The following GRID1 variants were observed in gnomAD, a reference collection of about 807,000 sequenced individuals.
The protein encoded by GRID1 is glutamate ionotropic receptor delta type subunit 1, also known as glutamate receptor ionotropic, delta-1.
A neutral mutation model predicts 98.0 loss-of-function variants in GRID1; 28 were observed. The observed-to-expected ratio is 0.29, with a 90% CI of 0.21 to 0.39. The LOEUF (loss-of-function observed/expected upper bound fraction) is 0.39, where lower values mean the gene tolerates loss of function less well. Among genes scored for constraint, GRID1 ranks in the 10% least tolerant of loss-of-function variants. The pLI is 1.00. For synonymous variants in GRID1, 553 were observed against 538.5 expected (o/e 1.03, Z -0.37); for missense variants, 1,111 against 1,340.5 (o/e 0.83, Z 2.67).
intron 2 of GRID1, among the ~76,000 whole-genome samples, chr10:86,217,007 T>C (rs906216456): frequency 4.6e-5 from 7 of 152,114 alleles, no homozygotes; most frequent in African/African-American, 1.4e-4. Flanking sequence ...GGCAAGGACA[T>C]GCCTTCTGCT....
At chr10:85,698,775 A>G (rs1841421094) in intron 12 of GRID1, among the ~76,000 whole-genome samples, 1 of 152,230 alleles carries the variant, frequency 6.6e-6, no homozygotes, top group Non-Finnish European at 1.5e-5. Flanking sequence ...AGCAATGAAT[A>G]AGACCTTTTG....
Position 85,721,487 on chromosome 10 carries a change from T to C in GRID1, c.1997+1516A>G, listed in dbSNP as rs186982913. Among the ~76,000 whole-genome samples, 154 of 152,352 alleles carry C rather than the reference T, an allele frequency of 1.0e-3. 1 individual carries two copies. Among genetic ancestry groups the C allele is most frequent in the African/African-American group, 3.5e-3 (145 of 41,588 alleles). On this transcript the variant is annotated intron_variant, in intron 12 of 15. Transcript: ENST00000327946. ...GAATAGTTAGACAAACTGTGGTATA[T>C]GTGATATTACTCATATGTGGTATAT... is the stretch of plus-strand genomic sequence containing the variant.
At chr10:85,749,688 A>G (rs1279530105) in intron 8 of GRID1, among the ~76,000 whole-genome samples, 2 of 152,142 alleles carry the variant, frequency 1.3e-5, no homozygotes, top group South Asian at 4.1e-4. Flanking sequence ...AGTAATCTAA[A>G]ACAGCCACAC....
chr10:86,323,975 T>C (rs1848007452), intron 2 of GRID1, among the ~76,000 whole-genome samples: 2 of 152,124 alleles, frequency 1.3e-5, no homozygotes. Context: ...GGTCAGGAGT[T>C]TGAGACCAGC....
intron 2 of GRID1, among the ~76,000 whole-genome samples, chr10:86,273,180 G>A (rs1286806870): frequency 6.6e-6 from 1 of 151,100 alleles, no homozygotes; most frequent in Non-Finnish European, 1.5e-5. Context: ...TTTTGCCCTT[G>A]CGATAGTTTA....
At chr10:86,150,764 A>C (rs1317770372) in intron 3 of GRID1, among the ~76,000 whole-genome samples, 1 of 152,208 alleles carries the variant, frequency 6.6e-6, no homozygotes, top group African/African-American at 2.4e-5. Flanking sequence ...CCTGGTTGGA[A>C]TTAGTGGCCT....
chr10:86,015,580 G>A (rs531584593), intron 4 of GRID1, among the ~76,000 whole-genome samples: 3 of 152,336 alleles, frequency 2.0e-5, no homozygotes, highest in African/African-American at 4.8e-5. Context: ...GGAAGTGGCA[G>A]GGCGAGTGGA....
chr10:85,675,881 G>A (rs57775005), intron 12 of GRID1, among the ~76,000 whole-genome samples: 3,055 of 152,226 alleles, frequency 0.02, 91 homozygotes, highest in African/African-American at 0.068. Flanking sequence ...TGCTTTGGGT[G>A]TTCCATGCAT....
At chr10:85,897,131 G>A (rs912804459) in intron 5 of GRID1, among the ~76,000 whole-genome samples, 1 of 152,012 alleles carries the variant, frequency 6.6e-6, no homozygotes, top group African/African-American at 2.4e-5. Flanking sequence ...ATAATTTATT[G>A]GTATATTAAT....
intron 5 of GRID1, among the ~76,000 whole-genome samples, chr10:85,892,807 C>T (rs1233718403): frequency 6.6e-6 from 1 of 151,998 alleles, no homozygotes; most frequent in Non-Finnish European, 1.5e-5. Context: ...CAATTTTACA[C>T]AAACACTTTC....
Position 85,804,884 on chromosome 10 carries a change from T to C in GRID1, c.1233+49612A>G, listed in dbSNP as rs146153769. ...AAACCTGAATACTTTCTAATTAAGT[T>C]TGGGGACAAGGATGTCAGCTCTTAC... On this transcript the variant is annotated intron_variant, in intron 8 of 15. Coordinates refer to ENST00000327946, the MANE Select transcript of GRID1 (RefSeq NM_017551.3). Among the ~76,000 whole-genome samples, 632 of 151,796 alleles carry C rather than the reference T, an allele frequency of 4.2e-3. 2 individuals carry two copies. The highest frequency in any genetic ancestry group is 0.015 in the African/African-American group (612 of 41,496).
chr10:86,365,370 G>T lies in GRID1; in HGVS notation c.79+944C>A, dbSNP rs567822849. 2.0e-4 allele frequency among the ~76,000 whole-genome samples: 29 copies of T among 146,606 alleles called. No homozygotes were observed. The highest frequency in any genetic ancestry group is 7.1e-4 in the African/African-American group (28 of 39,184). ...GCGGAGGGACTCCCCCAAAGCGACC[G>T]CTGTCAGCCCCCCAACTCGGCCCAA... On this transcript the variant is annotated intron_variant, in intron 1 of 15. Transcript: ENST00000327946. The surrounding 1 kb of genome is among the most constrained non-coding windows in gnomAD (Gnocchi z 4.8).
intron 12 of GRID1, among the ~76,000 whole-genome samples, chr10:85,679,178 C>T (rs987347385): frequency 2.0e-5 from 3 of 152,186 alleles, no homozygotes; most frequent in Non-Finnish European, 4.4e-5. Context: ...TTATCAACCC[C>T]AGACAGACAC....
Position 86,195,862 on chromosome 10 carries a change from T to C in GRID1, c.520+10502A>G, listed in dbSNP as rs1246670757. On this transcript the variant is annotated intron_variant, in intron 3 of 15. Coordinates refer to ENST00000327946, the MANE Select transcript of GRID1 (RefSeq NM_017551.3). The surrounding 1 kb of genome is among the most constrained non-coding windows in gnomAD (Gnocchi z 4.4). ...ATCAAAACCACCAGGCTTCCTGCAG[T>C]CCAGAACTAGTCACACAAGATACAG... Among the ~76,000 whole-genome samples the C allele has an allele frequency of 7.9e-5, 12 of 152,072 alleles. 1 individual carries two copies. Among genetic ancestry groups the C allele is most frequent in the Non-Finnish European group, 1.5e-4 (10 of 67,968 alleles).
At chr10:86,340,287 G>C (rs190972215) in intron 2 of GRID1, among the ~76,000 whole-genome samples, 2 of 152,322 alleles carry the variant, frequency 1.3e-5, no homozygotes. Context: ...AAGTCAGTCA[G>C]CAACTCCAGG....
chr10:85,645,077 T>C (rs1843168606), intron 13 of GRID1, among the ~76,000 whole-genome samples: 2 of 152,202 alleles, frequency 1.3e-5, no homozygotes, highest in South Asian at 4.1e-4. Context: ...CCCCTCCCAG[T>C]GTGTGACCTA....
rs548599469 is a variant in GRID1 at position 86,072,359 on chromosome 10, G to A, written c.726+66460C>T. Among the ~76,000 whole-genome samples the A allele has an allele frequency of 3.3e-5, 5 of 152,274 alleles. No homozygotes were observed. The South Asian group carries it at 8.3e-4, about 25-fold the overall frequency. Reference sequence around the variant, plus strand: ...TTCTGCAATTTGAAACAGGTAGGGAGCTAAAAGAAGACTCATGGGAAAGGC... The same window carrying A: ...TTCTGCAATTTGAAACAGGTAGGGAACTAAAAGAAGACTCATGGGAAAGGC... On this transcript the variant is annotated intron_variant, in intron 4 of 15. Transcript: ENST00000327946.
At position 85,666,350 on chromosome 10, in the gene GRID1, C is replaced by T. The variant is rs926053802; in HGVS notation, c.1998-18953G>A. ...GAAATGAACAGATGTTTCTCAGGGGCCAGCTCTAGAACAGTTCTCCTGGAG... is the reference window on the plus strand; with the variant it reads ...GAAATGAACAGATGTTTCTCAGGGGTCAGCTCTAGAACAGTTCTCCTGGAG... On this transcript the variant is annotated intron_variant, in intron 12 of 15. Coordinates refer to ENST00000327946, the MANE Select transcript of GRID1 (RefSeq NM_017551.3). 2.6e-5 allele frequency among the ~76,000 whole-genome samples: 4 copies of T among 152,158 alleles called. No individual in the cohort carries two copies. In the South Asian group the frequency reaches 6.2e-4, roughly 24 times the overall value.
chr10:86,058,901 T>C (rs1426332669), intron 4 of GRID1, among the ~76,000 whole-genome samples: 1 of 152,178 alleles, frequency 6.6e-6, no homozygotes, highest in Non-Finnish European at 1.5e-5. Context: ...CCCAAATGCA[T>C]GCTAAACTGC....
Sources: gnomAD v4.1 joint callset for allele counts (sites outside exome capture counted in the v4.1 genomes callset) on GRCh38, gnomAD v4.1.1 for gene constraint, Gnocchi (gnomAD v3.1) non-coding constraint, MANE v1.5 for transcripts, NCBI Gene and HGNC (gene_info 2026-07-23, HGNC 2026-07-21) for gene names.